Variants in PTGER2 observed in about 807,000 individuals in gnomAD.
The protein encoded by PTGER2 is prostaglandin E2 receptor EP2 subtype.
PTGER2 carries 22 observed loss-of-function variants against 26.2 expected under a neutral mutation model. The ratio of observed to expected loss-of-function variants is 0.84; its 90% CI spans 0.60 to 1.20. The LOEUF (loss-of-function observed/expected upper bound fraction) is 1.20, where lower values mean the gene tolerates loss of function less well. Ranked by LOEUF, PTGER2 falls within the 50% of genes most tolerant of loss-of-function variation. The probability of loss-of-function intolerance (pLI) is 0.00; values close to 1 mark genes in which losing one functional copy is unlikely to be tolerated. For synonymous variants in PTGER2, 219 were observed against 208.9 expected (o/e 1.05, Z -0.42); for missense variants, 458 against 475.2 (o/e 0.96, Z 0.34).
rs545781719 is a variant in PTGER2, at chr14:52,327,408, C to A, written c.1031C>A (p.Thr344Asn). ...ISLRTQDATQ[T>N]SCSTQSDASK... ...TTAAGAACACAAGATGCAACACAAA[C>A]TTCCTGTTCTACACAGTCAGATGCC... Residue 344 changes from threonine to asparagine, a missense_variant, in exon 2 of 2, where the codon ACT (threonine) becomes AAT (asparagine). Transcript: ENST00000245457. 22 of 1,613,648 alleles carry A rather than the reference C, an allele frequency of 1.4e-5. No homozygotes were observed. In the African/African-American group the frequency reaches 1.6e-4, roughly 12 times the overall value.
At chr14:52,315,586 C>T (rs1240484120) in intron 1 of PTGER2, among the ~76,000 whole-genome samples, 195 bp downstream of exon 1, 1 of 152,162 alleles carries the variant, frequency 6.6e-6, no homozygotes, top group East Asian at 1.9e-4. Flanking sequence ...GGCTTATGGG[C>T]GTTGCTAGGC....
At chr14:52,325,854 C>T (rs150773752) in intron 1 of PTGER2, among the ~76,000 whole-genome samples, 69 of 152,344 alleles carry the variant, frequency 4.5e-4, no homozygotes, top group Admixed American at 1.4e-3. Context: ...CTACCCTTTG[C>T]GCTCTCTGCA....
chr14:52,321,249 C>T (rs1224362415), intron 1 of PTGER2, among the ~76,000 whole-genome samples: 1 of 93,464 alleles, frequency 1.1e-5, no homozygotes, highest in Non-Finnish European at 2.6e-5. Context: ...GAAAAATAAT[C>T]TCCCCCCAAA....
intron 1 of PTGER2, among the ~76,000 whole-genome samples, chr14:52,320,173 A>G (rs965024124): frequency 6.6e-6 from 1 of 152,238 alleles, no homozygotes; most frequent in East Asian, 1.9e-4. Context: ...ATCATTAACC[A>G]TGTGTTTGGG....
intron 1 of PTGER2, among the ~76,000 whole-genome samples, chr14:52,322,421 ACAAAGATCACAAGGCAAAGGGCAAAAG>A (rs1400519146): frequency 1.3e-5 from 2 of 152,190 alleles, no homozygotes; most frequent in East Asian, 1.9e-4. Context: ...TAAGAGTCCA[ACAAAGATCACAAGGCAAAGGGCAAAAG>A]CAAAGATCAC....
intron 1 of PTGER2, among the ~76,000 whole-genome samples, chr14:52,316,903 T>C (rs540008907): frequency 6.6e-6 from 1 of 152,330 alleles, no homozygotes; most frequent in East Asian, 1.9e-4. Flanking sequence ...CCCATACCAC[T>C]CTGAGCAGGG....
At chr14:52,327,164 G>A in intron 1 of PTGER2, 57 bp from the exon 2 acceptor site, 5 of 1,281,446 alleles carry the variant, frequency 3.9e-6, no homozygotes, top group Non-Finnish European at 5.6e-6. Flanking sequence ...TAGGGTCTAA[G>A]CCTGTCTACT....
At chr14:52,320,862 A>C (rs1031002528) in intron 1 of PTGER2, among the ~76,000 whole-genome samples, 1 of 152,226 alleles carries the variant, frequency 6.6e-6, no homozygotes, top group Non-Finnish European at 1.5e-5. Context: ...GAAAGGCTGA[A>C]AGTTCCTCTA....
intron 1 of PTGER2, among the ~76,000 whole-genome samples, chr14:52,325,298 G>T (rs894875601): frequency 1.1e-4 from 17 of 152,064 alleles, no homozygotes; most frequent in Non-Finnish European, 1.9e-4. Flanking sequence ...ATTCTGTCAC[G>T]CTCTAAAGAC....
At chr14:52,320,744 G>C (rs1428824660) in intron 1 of PTGER2, among the ~76,000 whole-genome samples, 3 of 152,068 alleles carry the variant, frequency 2.0e-5, no homozygotes, top group Non-Finnish European at 4.4e-5. Flanking sequence ...ATTTTTCTGA[G>C]AATATTTTGC....
rs1413482927 is a variant in PTGER2, at chr14:52,315,338, A to G, written c.790A>G (p.Ile264Val). 1.2e-6 allele frequency: 2 copies of G among 1,612,142 alleles called. No homozygotes were observed. Among genetic ancestry groups the G allele is most frequent in the Admixed American group, 3.3e-5 (2 of 59,896 alleles). The change falls in exon 1 of 2, where the codon ATT becomes GTT. Residue 264 changes from isoleucine to valine, a missense_variant. Physicochemically the swap from Ile to Val is conservative, Grantham distance 29. Transcript: ENST00000245457. ...VSMAEETDHL[I>V]LLAIMTITFA... ...CATGGCGGAGGAGACGGACCACCTC[A>G]TTCTCCTGGCTATCATGACCATCAC...
rs1017369653 is a variant in PTGER2 at position 52,327,898 on chromosome 14, C to G, written c.*444C>G. 1 of 156,930 alleles carries G rather than the reference C, an allele frequency of 6.4e-6. No homozygotes were observed. Among genetic ancestry groups the G allele is most frequent in the East Asian group, 1.9e-4 (1 of 5,302 alleles). 9.7% of individuals were successfully genotyped at this position (156,930 alleles called of 1,614,324 possible). A position where few individuals can be genotyped will look rare whatever the true frequency, so the allele number is the denominator to read the frequency against. On this transcript the variant is annotated 3_prime_UTR_variant, in exon 2 of 2. Transcript: ENST00000245457. ...TCTCTAGGAAGTCAATATGTGGAAG[C>G]AACCAAGCCTGCTGTCTTGTGATCA...
At chr14:52,324,000 TA>T (rs1460993640) in intron 1 of PTGER2, among the ~76,000 whole-genome samples, 1 of 152,252 alleles carries the variant, frequency 6.6e-6, no homozygotes, top group African/African-American at 2.4e-5. Context: ...TGACATCCTT[TA>T]ACTAAAAACT....
rs1566494049 is a variant in PTGER2 at position 52,314,433 on chromosome 14, G to C, written c.-116G>C. The C allele has an allele frequency of 1.7e-6, 2 of 1,210,514 alleles. No homozygotes were observed. The highest frequency in any genetic ancestry group is 2.1e-6 in the Non-Finnish European group (2 of 940,556). The allele number at this position is 1,210,514 out of a possible 1,614,324, so 75.0% of individuals were successfully genotyped here. On this transcript the variant is annotated 5_prime_UTR_variant, in exon 1 of 2. Transcript: ENST00000245457. This position sits in a 1 kb window ranked among gnomAD's most constrained non-coding sequence, Gnocchi z 5.7. ...CGCTGGGTGCGGGAAGGGGGCTCTG[G>C]ATTTCGGTCCCTCCCCTTTTTCCTC...
intron 1 of PTGER2, among the ~76,000 whole-genome samples, chr14:52,318,406 C>T (rs45556633): frequency 6.6e-6 from 1 of 152,182 alleles, no homozygotes; most frequent in Non-Finnish European, 1.5e-5. Context: ...AATTGAATTA[C>T]ATATTTTATT....
chr14:52,325,868 TGC>T (rs2033944765), intron 1 of PTGER2, among the ~76,000 whole-genome samples: 1 of 152,254 alleles, frequency 6.6e-6, no homozygotes, highest in East Asian at 1.9e-4. Flanking sequence ...CTCTGCAATT[TGC>T]TTTGTATATC....
intron 1 of PTGER2, among the ~76,000 whole-genome samples, chr14:52,325,096 G>A (rs748033070): frequency 3.3e-4 from 50 of 151,902 alleles, no homozygotes; most frequent in Non-Finnish European, 5.7e-4. Context: ...TGGAGATCAC[G>A]CCACTGCACT....
chr14:52,316,958 T>C (rs2033847721), intron 1 of PTGER2, among the ~76,000 whole-genome samples: 1 of 152,232 alleles, frequency 6.6e-6, no homozygotes, highest in Admixed American at 6.5e-5. Context: ...CCCACATGGC[T>C]TATATGCTTT....
rs137866104 is a variant in PTGER2 at position 52,320,941 on chromosome 14, C to G, written c.843+5550C>G. Reference sequence around the variant, plus strand: ...TTCTGCCTGAATTCATTTGCAAAAACGTTTATATGAGTTTATGTTTATATG... The same window carrying G: ...TTCTGCCTGAATTCATTTGCAAAAAGGTTTATATGAGTTTATGTTTATATG... On this transcript the variant is annotated intron_variant, in intron 1 of 1. Transcript: ENST00000245457. Among the ~76,000 whole-genome samples, 222 of 152,220 alleles carry G rather than the reference C, an allele frequency of 1.5e-3. 1 individual carries two copies. The highest frequency in any genetic ancestry group is 5.2e-3 in the African/African-American group (217 of 41,522).
Sources: gnomAD v4.1 joint callset for allele counts (sites outside exome capture counted in the v4.1 genomes callset) on GRCh38, gnomAD v4.1.1 for gene constraint, Gnocchi (gnomAD v3.1) non-coding constraint, MANE v1.5 for transcripts, NCBI Gene and HGNC (gene_info 2026-07-23, HGNC 2026-07-21) for gene names.